The following CCNF variants were observed in gnomAD, a reference collection of about 807,000 sequenced individuals.
CCNF encodes the protein cyclin-F.
Under a neutral mutation model 85.4 loss-of-function variants are expected in CCNF, and 30 were observed. That is an observed-to-expected ratio of 0.35 (90% confidence interval 0.26 to 0.48). The LOEUF is 0.48. Ranked by LOEUF, CCNF falls within the 20% of genes least tolerant of loss-of-function variation. The pLI is 0.99. For missense variants in CCNF, 919 were observed against 1,010.4 expected (o/e 0.91, Z 1.23); for synonymous variants, 439 against 425.1 (o/e 1.03, Z -0.40).
rs1410519976 is a variant in CCNF at position 2,439,401 on chromosome 16, C to A, written c.643C>A (p.His215Asn). The A allele has an allele frequency of 2.5e-6, 4 of 1,610,714 alleles. No homozygotes were observed. The highest frequency in any genetic ancestry group is 3.4e-6 in the Non-Finnish European group (4 of 1,179,024). ...CCATGACCTGTTTGAGGAGGCTGCT[C>A]ATCAGGGATGTCTGACCAGCTCCTA... ...QAHDLFEEAA[H>N]QGCLTSSYLL... Residue 215 changes from histidine (H) to asparagine (N), a missense_variant, in exon 7 of 17, where the codon CAT (histidine) becomes AAT (asparagine). Around this residue, in one of 3 missense-constraint regions of CCNF, gnomAD observed 410 missense variants for 478.6 expected, o/e 0.86. Transcript: ENST00000397066.
At chr16:2,454,662 A>G (rs1195220683) in intron 15 of CCNF, among the ~76,000 whole-genome samples, 1 of 152,224 alleles carries the variant, frequency 6.6e-6, no homozygotes, top group East Asian at 1.9e-4. Context: ...CATCCTGAGC[A>G]AGACTTGACC....
chr16:2,449,499 G>A (rs1377944386), intron 12 of CCNF, 37 bp downstream of exon 12: 2 of 1,576,390 alleles, frequency 1.3e-6, no homozygotes, highest in Non-Finnish European at 1.7e-6. Flanking sequence ...CCTGTGTCGG[G>A]GAAGGTGCTG....
rs777880085 is a variant in CCNF, at chr16:2,449,291, G to A, written c.1228G>A (p.Val410Met). 7.4e-6 allele frequency: 12 copies of A among 1,613,834 alleles called. No individual in the cohort carries two copies. The highest frequency in any genetic ancestry group is 1.6e-4 in the Middle Eastern group (1 of 6,062). Residue 410 changes from valine (V) to methionine (M), a missense_variant, in exon 12 of 17, where the codon GTG becomes ATG. Transcript: ENST00000397066. ...ALEGKIRVPT[V>M]VDYKEVLLTL... ...CGTCCCGGCTGTCTAGGTCCCCACT[G>A]TGGTGGATTACAAGGAGGTCCTGCT...
Position 2,458,370 on chromosome 16 carries a change from G to A in CCNF, c.*1350G>A, listed in dbSNP as rs1443050013. On this transcript the variant is annotated 3_prime_UTR_variant, in exon 17 of 17. Transcript: ENST00000397066. ...CCGCCTCCCGGATACTCCTGCCTCA[G>A]CCTCCTGGGTAGCTGGGATTACAAG... The A allele has an allele frequency of 1.3e-5, 2 of 151,142 alleles. No individual in the cohort carries two copies. Among genetic ancestry groups the A allele is most frequent in the African/African-American group, 4.9e-5 (2 of 41,012 alleles). The allele number at this position is 151,142 out of a possible 1,614,324, so 9.4% of individuals were successfully genotyped here.
intron 8 of CCNF, among the ~76,000 whole-genome samples, chr16:2,440,052 C>T (rs770289699): frequency 2.6e-5 from 4 of 152,216 alleles, no homozygotes; most frequent in African/African-American, 7.2e-5. Flanking sequence ...TGCCTATCCA[C>T]TCTTGCCTCT....
intron 10 of CCNF, among the ~76,000 whole-genome samples, chr16:2,446,348 C>G (rs1019173708): frequency 2.6e-5 from 4 of 152,228 alleles, no homozygotes; most frequent in Non-Finnish European, 4.4e-5. Context: ...GTTTCCTACA[C>G]TCTTGGAGTT....
intron 3 of CCNF, among the ~76,000 whole-genome samples, chr16:2,434,196 C>T (rs567799677): frequency 6.6e-6 from 1 of 152,274 alleles, no homozygotes; most frequent in South Asian, 2.1e-4. Flanking sequence ...GTCCCAGCTA[C>T]TCTGGAGGCT....
At chr16:2,442,302 C>T (rs1296120706) in intron 8 of CCNF, among the ~76,000 whole-genome samples, 1 of 137,316 alleles carries the variant, frequency 7.3e-6, no homozygotes, top group East Asian at 2.0e-4. Context: ...CCACCGCACC[C>T]AGCCCTTAAT....
At chr16:2,442,882 AATTATATATTATAT>A (rs1309564530) in intron 8 of CCNF, among the ~76,000 whole-genome samples, 1 of 31,296 alleles carries the variant, frequency 3.2e-5, no homozygotes, top group African/African-American at 3.9e-4. Context: ...ATTATATTAT[AATTATATATTATAT>A]ATTATATAAT....
rs563208961 is a variant in CCNF, at chr16:2,452,670, A to G, written c.1488-540A>G. On this transcript the variant is annotated intron_variant, in intron 13 of 16. Coordinates refer to ENST00000397066, the MANE Select transcript of CCNF (RefSeq NM_001761.3). This position sits in a 1 kb window ranked among gnomAD's most constrained non-coding sequence, Gnocchi z 4.1. ...TTTTCACTTTCCCCAAAGGGACAAC[A>G]CACCCCTCAGCTGTCACCCTCCCGT... is the stretch of plus-strand genomic sequence containing the variant. The G allele has an allele frequency of 6.4e-6, 1 of 155,598 alleles. No homozygotes were observed. The highest frequency in any genetic ancestry group is 1.4e-5 in the Non-Finnish European group (1 of 70,078). 9.6% of individuals were successfully genotyped at this position (155,598 alleles called of 1,614,324 possible). A position where few individuals can be genotyped will look rare whatever the true frequency, so the allele number is the denominator to read the frequency against.
rs777975543 is a variant in CCNF, at chr16:2,457,004, G to A, written c.2345G>A (p.Gly782Asp). ...IHSEEEDMNLGLVRL is the reference protein window; with the variant it reads ...IHSEEEDMNLDLVRL ...AGTGAGGAGGAGGACATGAACCTGGGCCTTGTGAGGCTGTAAGTGTGTCAG... is the reference window on the plus strand; with the variant it reads ...AGTGAGGAGGAGGACATGAACCTGGACCTTGTGAGGCTGTAAGTGTGTCAG... Residue 782 changes from glycine to aspartate, a missense_variant, in exon 17 of 17, where the codon GGC becomes GAC. Gly to Asp is a moderately conservative substitution (Grantham distance 94). This residue lies in a region of CCNF where 505 missense variants were observed against 514.8 expected (regional missense o/e 0.98). Coordinates refer to ENST00000397066, the MANE Select transcript of CCNF (RefSeq NM_001761.3). The A allele has an allele frequency of 1.3e-6, 2 of 1,586,860 alleles. No individual in the cohort carries two copies. Among genetic ancestry groups the A allele is most frequent in the Non-Finnish European group, 1.7e-6 (2 of 1,165,084 alleles).
At chr16:2,434,416 C>T (rs1250453600) in intron 3 of CCNF, among the ~76,000 whole-genome samples, 3 of 152,206 alleles carry the variant, frequency 2.0e-5, no homozygotes, top group Non-Finnish European at 4.4e-5. Context: ...AGTTTGAGAC[C>T]AGCCTGAGCA....
At position 2,453,357 on chromosome 16, in the gene CCNF, G is replaced by A; in HGVS notation, c.1587+48G>A. On this transcript the variant is annotated intron_variant, in intron 14 of 16. Transcript: ENST00000397066. This position sits in a 1 kb window ranked among gnomAD's most constrained non-coding sequence, Gnocchi z 5.6. Reference sequence around the variant, plus strand: ...GCGTCTCATGGGGTGCTGGGGTGTGGGCGGGCCTCACCCTCGGGGCCTCTG... The same window carrying A: ...GCGTCTCATGGGGTGCTGGGGTGTGAGCGGGCCTCACCCTCGGGGCCTCTG... The A allele has an allele frequency of 6.2e-7, 1 of 1,613,720 alleles. No individual in the cohort carries two copies. The highest frequency in any genetic ancestry group is 8.5e-7 in the Non-Finnish European group (1 of 1,179,892).
At chr16:2,443,894 G>A in intron 9 of CCNF, 94 bp downstream of exon 9, 2 of 1,177,262 alleles carry the variant, frequency 1.7e-6, no homozygotes, top group Non-Finnish European at 2.4e-6. Context: ...AGTTACCTGT[G>A]ACAGGGCGGC....
chr16:2,452,709 C>T lies in CCNF; in HGVS notation c.1488-501C>T, dbSNP rs1412831946. ...TCACCCTCCCGTTCCCCCCAACTTC[C>T]TCAGCGCTAGATGACCCCCAGTAGT... On this transcript the variant is annotated intron_variant, in intron 13 of 16. Coordinates refer to ENST00000397066, the MANE Select transcript of CCNF (RefSeq NM_001761.3). The surrounding 1 kb of genome is among the most constrained non-coding windows in gnomAD (Gnocchi z 4.1). 6.3e-6 allele frequency: 1 copy of T among 158,618 alleles called. No homozygotes were observed. Among genetic ancestry groups the T allele is most frequent in the African/African-American group, 2.4e-5 (1 of 41,484 alleles). The allele number at this position is 158,618 out of a possible 1,614,324, so 9.8% of individuals were successfully genotyped here. A position where few individuals can be genotyped will look rare whatever the true frequency, so the allele number is the denominator to read the frequency against.
At chr16:2,442,359 A>G (rs11644790) in intron 8 of CCNF, among the ~76,000 whole-genome samples, 27,067 of 44,130 alleles carry the variant, frequency 0.61, 9,222 homozygotes, top group African/African-American at 0.87. Context: ...AATATCTATT[A>G]TTATATTATA....
chr16:2,445,635 C>A lies in CCNF; in HGVS notation c.1094+13C>A. 6.2e-7 allele frequency: 1 copy of A among 1,608,494 alleles called. No individual in the cohort carries two copies. Among genetic ancestry groups the A allele is most frequent in the South Asian group, 1.1e-5 (1 of 90,908 alleles). ...TCATCTGCACCCGGTGAGAAGCCCC[C>A]TTGGCCCAGCTGGCAGGGACGTGCT... On this transcript the variant is annotated intron_variant, in intron 10 of 16. Coordinates refer to ENST00000397066, the MANE Select transcript of CCNF (RefSeq NM_001761.3).
chr16:2,443,924 CT>C (rs35258963), intron 9 of CCNF, 124 bp downstream of exon 9: 25,772 of 559,460 alleles, frequency 0.046, 1 homozygote, highest in Middle Eastern at 0.071. Flanking sequence ...CCTTATCACC[CT>C]TTTTTTTTTT....
At position 2,456,413 on chromosome 16, in the gene CCNF, C is replaced by T. The variant is rs2065427801; in HGVS notation, c.1886-132C>T. The stretch of plus-strand genomic sequence containing the variant: ...GGCATGTCACCCACGCTTCTCACCA[C>T]AGGAGGGTAACACAGGGGACCGTAG... On this transcript the variant is annotated intron_variant, in intron 16 of 16. Transcript: ENST00000397066. This position sits in a 1 kb window ranked among gnomAD's most constrained non-coding sequence, Gnocchi z 4.5. 1 of 588,602 alleles carries T rather than the reference C, an allele frequency of 1.7e-6. No individual in the cohort carries two copies. The highest frequency in any genetic ancestry group is 2.8e-6 in the Non-Finnish European group (1 of 351,324). 36.5% of individuals were successfully genotyped at this position (588,602 alleles called of 1,614,324 possible). A position where few individuals can be genotyped will look rare whatever the true frequency, so the allele number is the denominator to read the frequency against.
Sources: gnomAD v4.1 joint callset for allele counts (sites outside exome capture counted in the v4.1 genomes callset) on GRCh38, gnomAD v4.1.1 for gene constraint, gnomAD v4.1.1 regional missense constraint, Gnocchi (gnomAD v3.1) non-coding constraint, MANE v1.5 for transcripts, NCBI Gene and HGNC (gene_info 2026-07-23, HGNC 2026-07-21) for gene names.